Variants in ZNF182 observed in about 807,000 individuals in gnomAD.
ZNF182 encodes the protein zinc finger protein 21 (KOX 14).
In ZNF182, 10 loss-of-function variants were observed where a neutral mutation model predicts 28.1. The ratio of observed to expected loss-of-function variants is 0.36; its 90% CI spans 0.22 to 0.60. The LOEUF (loss-of-function observed/expected upper bound fraction) is 0.60. Among genes scored for constraint, ZNF182 ranks in the 20% least tolerant of loss-of-function variants. The pLI, the probability that ZNF182 is intolerant of heterozygous loss-of-function variation, is 0.75. For synonymous variants in ZNF182, 156 were observed against 158.7 expected (o/e 0.98, Z 0.13); for missense variants, 352 against 453.2 (o/e 0.78, Z 2.03).
At chrX:48,001,603 G>C (rs1177457725) in intron 3 of ZNF182, among the ~76,000 whole-genome samples, 1 of 111,622 alleles carries the variant, frequency 9.0e-6, no homozygotes, top group African/African-American at 3.3e-5. Flanking sequence ...TGCGATGATG[G>C]GGCTTGATCA....
chrX:47,989,627 T>A (rs2058934915), intron 3 of ZNF182, among the ~76,000 whole-genome samples: 1 of 111,717 alleles, frequency 9.0e-6, no homozygotes, highest in African/African-American at 3.3e-5. Flanking sequence ...GCTGAGGAAG[T>A]CTTCCAGATT....
rs1556898447 is a variant in ZNF182, at chrX:47,977,500, T to C, written c.530A>G (p.Tyr177Cys). 2 of 1,211,871 alleles carry C rather than the reference T, an allele frequency of 1.7e-6. No homozygotes were observed. Residue 177 changes from tyrosine (Y) to cysteine (C), a missense_variant, in exon 6 of 6, where the codon TAT (tyrosine) becomes TGT (cysteine). Tyr to Cys is a radical substitution (Grantham distance 194, BLOSUM62 -2). Transcript: ENST00000376943. ...GCAKLFFHTE[Y>C]EKTNPGMKPY... The stretch of plus-strand genomic sequence containing the variant: ...CTTCATTCCAGGATTTGTTTTCTCA[T>C]ACTCAGTATGGAAGAACAATTTTGC...
intron 3 of ZNF182, among the ~76,000 whole-genome samples, chrX:47,987,045 G>C (rs1008918027): frequency 8.9e-6 from 1 of 111,902 alleles, no homozygotes; most frequent in Non-Finnish European, 1.9e-5. Context: ...TTGTGATCGT[G>C]TGAGTCAATA....
intron 3 of ZNF182, 79 bp from the exon 4 acceptor site, chrX:47,983,490 G>T: frequency 9.7e-7 from 1 of 1,033,077 alleles, no homozygotes; most frequent in Admixed American, 3.0e-5. Flanking sequence ...CTTCTGATTG[G>T]GTTCCTGGTT....
At position 47,975,016 on chromosome X, in the gene ZNF182, C is replaced by T. The variant is rs782801990; in HGVS notation, c.*1151G>A. 9.0e-6 allele frequency: 1 copy of T among 111,441 alleles called. No homozygotes were observed. Among genetic ancestry groups the T allele is most frequent in the South Asian group, 3.8e-4 (1 of 2,652 alleles). 9.2% of individuals were successfully genotyped at this position (111,441 alleles called of 1,213,427 possible). On this transcript the variant is annotated 3_prime_UTR_variant, in exon 6 of 6. Coordinates refer to ENST00000376943, the MANE Select transcript of ZNF182 (RefSeq NM_001007088.2). The stretch of plus-strand genomic sequence containing the variant: ...CCAAGGTAATCAGGGTTACCAGGTT[C>T]TCATGTCTCTTTCCAGAGATAACTT...
chrX:47,987,486 T>G (rs1379147248), intron 3 of ZNF182, among the ~76,000 whole-genome samples: 1 of 112,613 alleles, frequency 8.9e-6, no homozygotes, highest in Non-Finnish European at 1.9e-5. Context: ...TTTTCCACAG[T>G]GATGTGGGTG....
Position 48,001,659 on chromosome X carries a change from C to A in ZNF182, c.15+936G>T, listed in dbSNP as rs894258966. Among the ~76,000 whole-genome samples the A allele has an allele frequency of 2.7e-5, 3 of 111,506 alleles. No homozygotes were observed. The East Asian group carries it at 8.3e-4, about 31-fold the overall frequency. ...CTTTGATATTGTACTATGGTTTTTG[C>A]AGGATGTTATCATTGGGGGAACCTA... On this transcript the variant is annotated intron_variant, in intron 3 of 5. Transcript: ENST00000376943.
In ZNF182 at chrX:47,976,626, C is replaced by T. The variant is rs1556898177; in HGVS notation, c.1404G>A (p.Glu468=). Residue 468 remains glutamate (E), a synonymous_variant, in exon 6 of 6, where the codon GAG becomes GAA. Coordinates refer to ENST00000376943, the MANE Select transcript of ZNF182 (RefSeq NM_001007088.2). ...AAAATGCTTTTTCACATTCATTGCA[C>T]TCGTAAGGTTTCTCTCCTGTATGAC... ...QRGHTGEKPY[E]CNECEKAFSQ... is the part of the protein sequence containing the mutation. 8.3e-7 allele frequency: 1 copy of T among 1,209,406 alleles called. No homozygotes were observed. Among genetic ancestry groups the T allele is most frequent in the South Asian group, 1.8e-5 (1 of 56,502 alleles).
intron 3 of ZNF182, among the ~76,000 whole-genome samples, chrX:47,986,258 T>G (rs1814018798): frequency 8.9e-6 from 1 of 112,875 alleles, no homozygotes; most frequent in Non-Finnish European, 1.9e-5. Context: ...ACATGAGCAG[T>G]TGCAGAAACG....
At position 47,975,401 on chromosome X, in the gene ZNF182, G is replaced by A. The variant is rs1330606233; in HGVS notation, c.*766C>T. 8.9e-6 allele frequency: 1 copy of A among 112,491 alleles called. No homozygotes were observed. The highest frequency in any genetic ancestry group is 1.9e-5 in the Non-Finnish European group (1 of 53,256). The allele number at this position is 112,491 out of a possible 1,213,427, so 9.3% of individuals were successfully genotyped here. A position where few individuals can be genotyped will look rare whatever the true frequency, so the allele number is the denominator to read the frequency against. ...GGCCCAAAAACCAAATGCATTTGTGGTTTTGATTACTTTTGAATAATTCCT... is the reference window on the plus strand; with the variant it reads ...GGCCCAAAAACCAAATGCATTTGTGATTTTGATTACTTTTGAATAATTCCT... On this transcript the variant is annotated 3_prime_UTR_variant, in exon 6 of 6. Coordinates refer to ENST00000376943, the MANE Select transcript of ZNF182 (RefSeq NM_001007088.2).
chrX:47,977,623 T>C lies in ZNF182; in HGVS notation c.407A>G (p.Gln136Arg). Residue 136 changes from glutamine to arginine, a missense_variant, in exon 6 of 6, where the codon CAA becomes CGA. Gln to Arg is a conservative substitution (Grantham distance 43). Transcript: ENST00000376943. ...AAATGATTCGTGTTTATCGGGTCTT[T>C]GTATTGAAGCAACAAGGTTTGTACT... ...HLSTNLVASI[Q>R]RPDKHESFGN... The C allele has an allele frequency of 8.3e-7, 1 of 1,210,780 alleles. No homozygotes were observed. Among genetic ancestry groups the C allele is most frequent in the Middle Eastern group, 2.3e-4 (1 of 4,347 alleles).
At chrX:48,000,816 T>G (rs1447391109) in intron 3 of ZNF182, among the ~76,000 whole-genome samples, 1 of 111,722 alleles carries the variant, frequency 9.0e-6, no homozygotes, top group Admixed American at 9.5e-5. Flanking sequence ...TTACAAACCA[T>G]GTATCTGACA....
chrX:47,998,854 C>CAA lies in ZNF182; in HGVS notation c.15+3739_15+3740dup, dbSNP rs57757084. On this transcript the variant is annotated intron_variant, in intron 3 of 5. Transcript: ENST00000376943. ...TAAGTGACAGAGCGAGACTCCGTCT[C>CAA]AAAAAAAAAAAAAAAAAAAGAATCA... Among the ~76,000 whole-genome samples the CAA allele has an allele frequency of 3.0e-3, 169 of 56,833 alleles. 3 individuals carry two copies. Among genetic ancestry groups the CAA allele is most frequent in the African/African-American group, 9.0e-3 (147 of 16,357 alleles). The allele number at this position is 56,833 out of a possible 115,157, so 49.4% of individuals were successfully genotyped here. A position where few individuals can be genotyped will look rare whatever the true frequency, so the allele number is the denominator to read the frequency against.
At chrX:47,979,685 G>A (rs2058897628) in intron 5 of ZNF182, among the ~76,000 whole-genome samples, 1 of 110,957 alleles carries the variant, frequency 9.0e-6, no homozygotes, top group African/African-American at 3.3e-5. Context: ...CCACATTACT[G>A]TAAAAAGAAA....
At chrX:47,994,636 A>G (rs1327165184) in intron 3 of ZNF182, among the ~76,000 whole-genome samples, 1 of 111,721 alleles carries the variant, frequency 9.0e-6, no homozygotes, top group African/African-American at 3.3e-5. Flanking sequence ...GATTTAACCA[A>G]TCATACTTTT....
At chrX:47,980,537 C>A (rs1556898984) in intron 5 of ZNF182, among the ~76,000 whole-genome samples, 1 of 111,759 alleles carries the variant, frequency 8.9e-6, no homozygotes, top group Admixed American at 9.5e-5. Context: ...ATATATGTAT[C>A]AAAACATCAC....
chrX:47,999,247 G>T (rs1426753342), intron 3 of ZNF182, among the ~76,000 whole-genome samples: 2 of 109,883 alleles, frequency 1.8e-5, no homozygotes, highest in Admixed American at 9.7e-5. Flanking sequence ...AGGCGTGGTG[G>T]CAGGTGCCTG....
At chrX:47,989,486 C>A (rs782415299) in intron 3 of ZNF182, among the ~76,000 whole-genome samples, 1 of 110,045 alleles carries the variant, frequency 9.1e-6, no homozygotes, top group Non-Finnish European at 1.9e-5. Context: ...AAGGATACAT[C>A]ACTTACATTT....
At chrX:48,003,095 C>T (rs2146478249) in intron 2 of ZNF182, among the ~76,000 whole-genome samples, 1 of 111,733 alleles carries the variant, frequency 8.9e-6, no homozygotes, top group Non-Finnish European at 1.9e-5. Context: ...TATCTATGCA[C>T]TTTGTGGTAT....
Sources: allele counts gnomAD v4.1 joint callset (sites outside exome capture counted in the v4.1 genomes callset), GRCh38; gene constraint gnomAD v4.1.1; transcripts MANE v1.5; gene names NCBI Gene and HGNC (gene_info 2026-07-23, HGNC 2026-07-21).